The following RBFOX1 variants were observed in gnomAD, a reference collection of about 807,000 sequenced individuals.
RBFOX1 encodes RNA binding fox-1 homolog 1.
In RBFOX1, 8 loss-of-function variants were observed where a neutral mutation model predicts 57.7. The observed-to-expected ratio is 0.14, with a 90% CI of 0.08 to 0.25. The LOEUF is 0.25. RBFOX1 is among the 10% of genes least tolerant of loss of function. The pLI, the probability that RBFOX1 is intolerant of heterozygous loss-of-function variation, is 1.00. For synonymous variants in RBFOX1, 326 were observed against 222.4 expected, an observed-to-expected ratio of 1.47 and a Z score of -4.15; for missense variants, 611 against 548.5, an observed-to-expected ratio of 1.11 and a Z score of -1.14.
chr16:6,723,001 C>A (rs1316917874), intron 3 of RBFOX1, among the ~76,000 whole-genome samples: 4 of 152,158 alleles, frequency 2.6e-5, no homozygotes, highest in African/African-American at 9.7e-5. Context: ...CAGTCACCTC[C>A]TAAGTAGCTC....
At position 7,315,910 on chromosome 16, in the gene RBFOX1, A is replaced by G. The variant is rs1027808747; in HGVS notation, c.28-202237A>G. Among the ~76,000 whole-genome samples the G allele has an allele frequency of 1.8e-4, 27 of 152,166 alleles. 1 individual carries two copies. The highest frequency in any genetic ancestry group is 2.8e-4 in the Non-Finnish European group (19 of 68,022). On this transcript the variant is annotated intron_variant, in intron 4 of 15. Transcript: ENST00000550418. ...ACATATATCTTTGATGGGTTACTAA[A>G]CAATCTATTTTTCAAACCCCAAACA...
chr16:5,843,074 G>A (rs181081146), intron 3 of RBFOX1, among the ~76,000 whole-genome samples: 22 of 152,162 alleles, frequency 1.4e-4, no homozygotes, highest in Middle Eastern at 3.4e-3. Context: ...TGATTCACCC[G>A]CCTTGGCCTC....
At chr16:7,640,904 TA>T (rs112548606) in intron 11 of RBFOX1, among the ~76,000 whole-genome samples, 7 of 147,092 alleles carry the variant, frequency 4.8e-5, no homozygotes, top group African/African-American at 1.3e-4. Context: ...GGATTTACAT[TA>T]AAAAAAAAAA....
At chr16:7,631,424 C>T (rs987501556) in intron 11 of RBFOX1, among the ~76,000 whole-genome samples, 5 of 152,174 alleles carry the variant, frequency 3.3e-5, no homozygotes, top group African/African-American at 4.8e-5. Flanking sequence ...CCTATCCTCA[C>T]CCCAATTCCC....
intron 2 of RBFOX1, chr16:6,483,590 G>C (rs1441068556): frequency 7.1e-7 from 1 of 1,414,934 alleles, no homozygotes; most frequent in South Asian, 1.2e-5. Flanking sequence ...GGGAAGGAGA[G>C]AAAGAGGGAG....
At chr16:5,421,440 G>T (rs190442533) in intron 1 of RBFOX1, among the ~76,000 whole-genome samples, 5 of 152,314 alleles carry the variant, frequency 3.3e-5, no homozygotes, top group Non-Finnish European at 7.3e-5. Flanking sequence ...GGCCTTGGGG[G>T]TGTCCACGTG....
chr16:6,160,631 C>G (rs542273945), intron 1 of RBFOX1, among the ~76,000 whole-genome samples: 1 of 152,312 alleles, frequency 6.6e-6, no homozygotes, highest in African/African-American at 2.4e-5. Flanking sequence ...TTCCCAGTGG[C>G]TTTATCACAC....
chr16:7,576,049 C>T (rs758105423), intron 5 of RBFOX1, among the ~76,000 whole-genome samples: 15 of 151,848 alleles, frequency 9.9e-5, no homozygotes, highest in Non-Finnish European at 1.8e-4. Flanking sequence ...TCTCCCACCT[C>T]GGTCTCCCAA....
At chr16:6,950,481 G>T (rs750308017) in intron 3 of RBFOX1, among the ~76,000 whole-genome samples, 12 of 152,270 alleles carry the variant, frequency 7.9e-5, no homozygotes, top group South Asian at 4.1e-4. Context: ...TTTGATAAAT[G>T]TTTGATGACC....
At chr16:6,507,349 A>G (rs1194364052) in intron 2 of RBFOX1, among the ~76,000 whole-genome samples, 10 of 152,130 alleles carry the variant, frequency 6.6e-5, no homozygotes, top group Non-Finnish European at 5.9e-5. Context: ...TGGTTTGTCT[A>G]TACCATGGAA....
intron 3 of RBFOX1, among the ~76,000 whole-genome samples, chr16:6,950,914 CT>C (rs34005825): frequency 2.7e-5 from 4 of 149,124 alleles, no homozygotes; most frequent in East Asian, 3.9e-4. Context: ...TTCTTTCTCT[CT>C]TTTTTTTTGA....
chr16:6,843,250 T>C (rs2093585920), intron 3 of RBFOX1, among the ~76,000 whole-genome samples: 1 of 152,078 alleles, frequency 6.6e-6, no homozygotes, highest in South Asian at 2.1e-4. Flanking sequence ...TTTTGCAAAG[T>C]TGGACAGCAG....
intron 4 of RBFOX1, among the ~76,000 whole-genome samples, chr16:7,477,125 T>C (rs183873863): frequency 1.5e-4 from 23 of 152,296 alleles, no homozygotes; most frequent in African/African-American, 4.8e-4. Flanking sequence ...CTTTTTGTTG[T>C]TAAGACCTGT....
At chr16:7,449,725 T>TG (rs1157106153) in intron 4 of RBFOX1, among the ~76,000 whole-genome samples, 22 of 71,220 alleles carry the variant, frequency 3.1e-4, no homozygotes, top group East Asian at 1.4e-3. Context: ...TGTGTGTGTG[T>TG]GTGTGGGGGG....
chr16:5,861,826 G>T (rs139914435), intron 3 of RBFOX1, among the ~76,000 whole-genome samples: 70 of 152,300 alleles, frequency 4.6e-4, no homozygotes, highest in African/African-American at 1.6e-3. Context: ...AGACGCAATG[G>T]CAGAACAGAT....
chr16:5,456,714 G>A (rs1241236875), intron 1 of RBFOX1, among the ~76,000 whole-genome samples: 1 of 151,988 alleles, frequency 6.6e-6, no homozygotes, highest in Admixed American at 6.6e-5. Context: ...TTCTTTAATA[G>A]CTGTTAGCTG....
At chr16:6,501,131 C>CTTTTTTT (rs1003003339) in intron 2 of RBFOX1, among the ~76,000 whole-genome samples, 49 of 107,896 alleles carry the variant, frequency 4.5e-4, no homozygotes, top group African/African-American at 5.0e-4. Context: ...GTTAAACATT[C>CTTTTTTT]TTTTTTTTTT....
intron 3 of RBFOX1, among the ~76,000 whole-genome samples, chr16:5,754,196 A>G (rs529177043): frequency 2.2e-4 from 34 of 152,358 alleles, no homozygotes; most frequent in African/African-American, 7.2e-4. Context: ...CACCTCTGCC[A>G]CATGCAAGCT....
At chr16:6,913,969 C>T (rs12927788) in intron 3 of RBFOX1, among the ~76,000 whole-genome samples, 26,798 of 152,138 alleles carry the variant, frequency 0.18, 2,811 homozygotes, top group East Asian at 0.3. Flanking sequence ...TTATACTCCC[C>T]ACCTCATGTA....
Sources: gnomAD v4.1 joint callset for allele counts (sites outside exome capture counted in the v4.1 genomes callset) on GRCh38, gnomAD v4.1.1 for gene constraint, MANE v1.5 for transcripts, NCBI Gene and HGNC (gene_info 2026-07-23, HGNC 2026-07-21) for gene names.